SPART: variants seen among roughly 807,000 people sequenced by gnomAD.
The protein encoded by SPART is spastic paraplegia 20 (Troyer syndrome).
SPART carries 35 observed loss-of-function variants against 58.7 expected under a neutral mutation model. The ratio of observed to expected loss-of-function variants is 0.60; its 90% CI spans 0.46 to 0.79. The LOEUF (loss-of-function observed/expected upper bound fraction) is 0.79. Among genes scored for constraint, SPART ranks in the 30% least tolerant of loss-of-function variants. SPART has a pLI of 0.00. For missense variants in SPART, 730 were observed against 786.1 expected, an observed-to-expected ratio of 0.93 and a Z score of 0.85; for synonymous variants, 284 against 280.7, an observed-to-expected ratio of 1.01 and a Z score of -0.12.
At chr13:36,327,438 A>G (rs1283333822) in intron 4 of SPART, among the ~76,000 whole-genome samples, 2 of 152,248 alleles carry the variant, frequency 1.3e-5, no homozygotes, top group African/African-American at 2.4e-5. Flanking sequence ...AAAGTCACCC[A>G]TAAGTAAAAT....
chr13:36,310,161 C>A (rs191465597), intron 8 of SPART, among the ~76,000 whole-genome samples: 1 of 152,020 alleles, frequency 6.6e-6, no homozygotes, highest in Non-Finnish European at 1.5e-5. Flanking sequence ...TTAATTAATA[C>A]GTAGGAAAAG....
intron 1 of SPART, chr13:36,368,215 G>A (rs1427986775): frequency 2.1e-6 from 1 of 465,438 alleles, no homozygotes; most frequent in Non-Finnish European, 4.5e-6. Context: ...AGCACTATAT[G>A]AGCTGCTGAG....
Position 36,312,354 on chromosome 13 carries a change from T to C in SPART, c.1607A>G (p.Asp536Gly), listed in dbSNP as rs1463903412. The change falls in exon 7 of 9, where the codon GAT becomes GGT. Residue 536 changes from aspartate (D) to glycine (G), a missense_variant. Coordinates refer to ENST00000438666, the MANE Select transcript of SPART (RefSeq NM_015087.5). ...KKDKDGKSPL[D>G]GAMVVAASSV... ...ACTTGCTGCTACAACCATAGCACCA[T>C]CCAGAGGAGATTTCCCATCTTTGTC... 1 of 1,614,128 alleles carries C rather than the reference T, an allele frequency of 6.2e-7. No individual in the cohort carries two copies. Among genetic ancestry groups the C allele is most frequent in the South Asian group, 1.1e-5 (1 of 91,092 alleles).
intron 1 of SPART, among the ~76,000 whole-genome samples, chr13:36,344,550 C>T (rs1884881158): frequency 6.6e-6 from 1 of 152,120 alleles, no homozygotes; most frequent in South Asian, 2.1e-4. Context: ...TCTGGGGAAT[C>T]TCAACACAGA....
At chr13:36,367,541 G>A (rs932169005) in intron 1 of SPART, among the ~76,000 whole-genome samples, 1 of 151,992 alleles carries the variant, frequency 6.6e-6, no homozygotes, top group Non-Finnish European at 1.5e-5. Context: ...CTGTGTACAG[G>A]GGAGCTTCTT....
chr13:36,320,793 C>T (rs2137407657), intron 5 of SPART, among the ~76,000 whole-genome samples: 1 of 152,256 alleles, frequency 6.6e-6, no homozygotes, highest in Middle Eastern at 3.4e-3. Context: ...TCATTTCTTC[C>T]CTTCTGTCAG....
intron 5 of SPART, among the ~76,000 whole-genome samples, chr13:36,324,313 C>T (rs2137443047): frequency 6.6e-6 from 1 of 152,248 alleles, no homozygotes; most frequent in South Asian, 2.1e-4. Context: ...ATTTGAAGCC[C>T]CAAGTCACTA....
rs1488944671 is a variant in SPART, at chr13:36,301,928, G to A, written c.*2437C>T. The A allele has an allele frequency of 6.6e-6, 1 of 152,120 alleles. No individual in the cohort carries two copies. The highest frequency in any genetic ancestry group is 2.4e-5 in the African/African-American group (1 of 41,412). The allele number at this position is 152,120 out of a possible 1,614,324, so 9.4% of individuals were successfully genotyped here. On this transcript the variant is annotated 3_prime_UTR_variant, in exon 9 of 9. Coordinates refer to ENST00000438666, the MANE Select transcript of SPART (RefSeq NM_015087.5). ...TGGTATACTCACACAGAATACTATAGAGCAAGTAAACCATCCATGCATATA... is the reference window on the plus strand; with the variant it reads ...TGGTATACTCACACAGAATACTATAAAGCAAGTAAACCATCCATGCATATA...
intron 8 of SPART, among the ~76,000 whole-genome samples, chr13:36,309,397 GAA>G (rs1880857238): frequency 6.6e-6 from 1 of 152,070 alleles, no homozygotes; most frequent in South Asian, 2.1e-4. Context: ...ATACCCAAAA[GAA>G]AATAAACTGT....
At chr13:36,319,920 TCTGA>T (rs1882192135) in intron 5 of SPART, among the ~76,000 whole-genome samples, 1 of 152,134 alleles carries the variant, frequency 6.6e-6, no homozygotes, top group Non-Finnish European at 1.5e-5. Flanking sequence ...TGCCAATCTG[TCTGA>T]CTGATCTCTC....
intron 1 of SPART, among the ~76,000 whole-genome samples, chr13:36,338,371 A>G (rs1447450811): frequency 1.3e-5 from 2 of 152,226 alleles, no homozygotes; most frequent in East Asian, 3.9e-4. Context: ...AACACACTTG[A>G]GAAAACAGAT....
At chr13:36,339,557 G>T (rs1480889662) in intron 1 of SPART, among the ~76,000 whole-genome samples, 4 of 143,822 alleles carry the variant, frequency 2.8e-5, no homozygotes, top group African/African-American at 1.0e-4. Flanking sequence ...CTTGAACCCG[G>T]AAGGCAGAGG....
At chr13:36,329,287 G>C (rs1258723016) in intron 4 of SPART, 75 bp downstream of exon 4, 1 of 1,531,414 alleles carries the variant, frequency 6.5e-7, no homozygotes, top group Non-Finnish European at 9.0e-7. Flanking sequence ...ATGGGAATAT[G>C]ATCATATAAA....
chr13:36,358,972 C>CT (rs1885731480), intron 1 of SPART, among the ~76,000 whole-genome samples: 2 of 152,154 alleles, frequency 1.3e-5, no homozygotes, highest in East Asian at 3.8e-4. Context: ...CTTCTGCTGA[C>CT]TGTTTTTTAT....
intron 1 of SPART, among the ~76,000 whole-genome samples, chr13:36,367,248 G>T (rs1185947370): frequency 2.6e-5 from 4 of 152,124 alleles, no homozygotes; most frequent in African/African-American, 9.7e-5. Flanking sequence ...CCCAAACATG[G>T]AGGCCTTCTT....
chr13:36,327,664 T>C (rs1566124232), intron 4 of SPART, among the ~76,000 whole-genome samples: 1 of 152,172 alleles, frequency 6.6e-6, no homozygotes, highest in Non-Finnish European at 1.5e-5. Context: ...ACGCATAAAA[T>C]ATATCTAGAA....
In SPART at chr13:36,335,209, G is replaced by A. The variant is rs754181352; in HGVS notation, c.622C>T (p.Pro208Ser). ...AGCCCTAAGGTCTCAAGAGGCGGTG[G>A]CTGAGAATGATTCCTATAAAACTCC... ...GEEFYRNHSQ[P>S]PPLETLGLDA... is the part of the protein sequence containing the mutation. The change falls in exon 2 of 9, where the codon CCA becomes TCA. Residue 208 changes from proline to serine, a missense_variant. Coordinates refer to ENST00000438666, the MANE Select transcript of SPART (RefSeq NM_015087.5). 2 of 1,614,074 alleles carry A rather than the reference G, an allele frequency of 1.2e-6. No individual in the cohort carries two copies. Among genetic ancestry groups the A allele is most frequent in the Non-Finnish European group, 1.7e-6 (2 of 1,179,998 alleles).
At position 36,329,438 on chromosome 13, in the gene SPART, T is replaced by A. The variant is rs754442567; in HGVS notation, c.1088A>T (p.Glu363Val). Residue 363 changes from glutamate (E) to valine (V), a missense_variant, in exon 4 of 9, where the codon GAA becomes GTA. Coordinates refer to ENST00000438666, the MANE Select transcript of SPART (RefSeq NM_015087.5). ...CTGTTTCACATCAGTGCCAGAGGCT[T>A]CTTTTAGTTGGTCAGAGGAGGGTCT... ...RTRPSSDQLK[E>V]ASGTDVKQLD... 2 of 1,614,166 alleles carry A rather than the reference T, an allele frequency of 1.2e-6. No homozygotes were observed. The highest frequency in any genetic ancestry group is 1.7e-6 in the Non-Finnish European group (2 of 1,179,998).
intron 1 of SPART, among the ~76,000 whole-genome samples, chr13:36,345,109 G>A (rs1884950598): frequency 1.3e-5 from 2 of 152,146 alleles, no homozygotes; most frequent in Admixed American, 6.5e-5. Flanking sequence ...TAACTCCTTA[G>A]AGCTAGCACA....
Sources: allele counts gnomAD v4.1 joint callset (sites outside exome capture counted in the v4.1 genomes callset), GRCh38; gene constraint gnomAD v4.1.1; transcripts MANE v1.5; gene names NCBI Gene and HGNC (gene_info 2026-07-23, HGNC 2026-07-21).